PACRG: variants seen among roughly 807,000 people sequenced by gnomAD.
PACRG encodes parkin coregulated gene protein.
In PACRG, 29 loss-of-function variants were observed where a neutral mutation model predicts 29.7. The observed-to-expected ratio is 0.98, with a 90% CI of 0.73 to 1.33. The LOEUF (loss-of-function observed/expected upper bound fraction) is 1.33, where lower values mean the gene tolerates loss of function less well. PACRG is among the 40% of genes most tolerant of loss of function. The probability of loss-of-function intolerance (pLI) is 0.00; values close to 1 mark genes in which losing one functional copy is unlikely to be tolerated. For synonymous variants in PACRG, 116 were observed against 118.7 expected (o/e 0.98, Z 0.15); for missense variants, 279 against 316.2 (o/e 0.88, Z 0.89).
Position 163,033,226 on chromosome 6 carries a change from G to A in PACRG, c.292-28924G>A, listed in dbSNP as rs114816324. Among the ~76,000 whole-genome samples the A allele has an allele frequency of 5.8e-3, 889 of 152,204 alleles. 4 individuals are homozygous for A. Among genetic ancestry groups the A allele is most frequent in the African/African-American group, 0.015 (604 of 41,520 alleles). ...ACTCTTAGCAGCTTTTACTTTTGAT[G>A]AAAAACCTGGTTAGTAAGCAATTTT... On this transcript the variant is annotated intron_variant, in intron 2 of 4. Coordinates refer to ENST00000366888, the MANE Select transcript of PACRG (RefSeq NM_001080379.2).
At chr6:162,757,478 T>G (rs1371491101) in intron 1 of PACRG, among the ~76,000 whole-genome samples, 1 of 151,996 alleles carries the variant, frequency 6.6e-6, no homozygotes, top group Admixed American at 6.6e-5. Context: ...TGGTGAAAGA[T>G]GAGCAGATCA....
chr6:163,171,012 C>T (rs1216064914), intron 4 of PACRG: 1 of 152,184 alleles, frequency 6.6e-6, no homozygotes, highest in Non-Finnish European at 1.5e-5. Context: ...TGCTTTTCTG[C>T]AAAATGTGAG....
intron 2 of PACRG, among the ~76,000 whole-genome samples, chr6:162,940,963 A>C (rs1247800318): frequency 2.6e-5 from 4 of 152,012 alleles, no homozygotes; most frequent in Admixed American, 1.3e-4. Context: ...ACCAATCCTT[A>C]ATGAATGTAA....
chr6:163,291,130 C>T (rs1784586814), intron 4 of PACRG, among the ~76,000 whole-genome samples: 2 of 149,134 alleles, frequency 1.3e-5, no homozygotes, highest in African/African-American at 5.2e-5. Context: ...TAGATGACCC[C>T]TCTGCCCGCC....
At position 162,728,006 on chromosome 6, in the gene PACRG, T is replaced by C. The variant is rs930452460; in HGVS notation, c.-230T>C. On this transcript the variant is annotated 5_prime_UTR_variant, in exon 1 of 5. Transcript: ENST00000366888. ...AACCGGGAGGCTTACCTTTGGAAGCTTGTTGCAGCTCTAGCCAAGGTCCTG... is the reference window on the plus strand; with the variant it reads ...AACCGGGAGGCTTACCTTTGGAAGCCTGTTGCAGCTCTAGCCAAGGTCCTG... The C allele has an allele frequency of 1.4e-5, 9 of 636,224 alleles. No individual in the cohort carries two copies. The highest frequency in any genetic ancestry group is 1.1e-5 in the Non-Finnish European group (4 of 362,376). 39.4% of individuals were successfully genotyped at this position (636,224 alleles called of 1,614,324 possible). A position where few individuals can be genotyped will look rare whatever the true frequency, so the allele number is the denominator to read the frequency against.
chr6:163,242,605 T>C (rs1782545988), intron 4 of PACRG, among the ~76,000 whole-genome samples: 2 of 152,362 alleles, frequency 1.3e-5, no homozygotes, highest in East Asian at 3.9e-4. Flanking sequence ...AAATTTCCTA[T>C]GGTTTAGCAA....
rs1408326126 is a variant in PACRG at position 163,269,854 on chromosome 6, A to G, written c.614-44973A>G. On this transcript the variant is annotated intron_variant, in intron 4 of 4. Coordinates refer to ENST00000366888, the MANE Select transcript of PACRG (RefSeq NM_001080379.2). ...AAGAAAGAAAAAGAAAGAAAGAAAG[A>G]AAGAGAAAGAAAGAGAAAGAAAGAA... Among the ~76,000 whole-genome samples, 116 of 76,334 alleles carry G rather than the reference A, an allele frequency of 1.5e-3. 10 individuals are homozygous for G. Among genetic ancestry groups the G allele is most frequent in the African/African-American group, 6.5e-3 (109 of 16,658 alleles). 50.1% of individuals were successfully genotyped at this position (76,334 alleles called of 152,430 possible).
intron 2 of PACRG, among the ~76,000 whole-genome samples, chr6:163,013,963 T>A (rs1805853588): frequency 6.6e-6 from 1 of 152,100 alleles, no homozygotes; most frequent in South Asian, 2.1e-4. Context: ...GTGATAAAAT[T>A]ACTTGAACCA....
intron 4 of PACRG, among the ~76,000 whole-genome samples, chr6:163,298,497 C>A (rs1209571801): frequency 1.3e-5 from 2 of 152,200 alleles, no homozygotes; most frequent in Non-Finnish European, 2.9e-5. Context: ...TACCAGTAAC[C>A]ACAAAATGTT....
At chr6:163,114,675 G>A (rs1372152037) in intron 4 of PACRG, among the ~76,000 whole-genome samples, 1 of 152,070 alleles carries the variant, frequency 6.6e-6, no homozygotes, top group African/African-American at 2.4e-5. Context: ...AGCAGAGAAT[G>A]GAATGGTGGT....
At chr6:163,288,690 T>C (rs1274329492) in intron 4 of PACRG, among the ~76,000 whole-genome samples, 1 of 152,164 alleles carries the variant, frequency 6.6e-6, no homozygotes, top group Non-Finnish European at 1.5e-5. Context: ...AAATAATGCA[T>C]AGAGAACTTT....
intron 2 of PACRG, among the ~76,000 whole-genome samples, chr6:162,828,975 G>C (rs1788512814): frequency 6.6e-6 from 1 of 152,122 alleles, no homozygotes; most frequent in Non-Finnish European, 1.5e-5. Flanking sequence ...AATCATGAAT[G>C]ACTGTGTTTT....
At position 163,290,278 on chromosome 6, in the gene PACRG, G is replaced by GCGCA. The variant is rs1554242204; in HGVS notation, c.614-24548_614-24547insGCAC. ...CATGTGCGCATGCACGCGCGCGCGC[G>GCGCA]CACACACACACACACACACACACAC... On this transcript the variant is annotated intron_variant, in intron 4 of 4. Coordinates refer to ENST00000366888, the MANE Select transcript of PACRG (RefSeq NM_001080379.2). 5.1e-3 allele frequency among the ~76,000 whole-genome samples: 584 copies of GCGCA among 114,508 alleles called. 2 individuals carry two copies. The highest frequency in any genetic ancestry group is 0.012 in the Admixed American group (141 of 11,854). 75.1% of individuals were successfully genotyped at this position (114,508 alleles called of 152,430 possible).
At position 163,265,532 on chromosome 6, in the gene PACRG, A is replaced by T. The variant is rs76845472; in HGVS notation, c.614-49295A>T. Among the ~76,000 whole-genome samples the T allele has an allele frequency of 5.1e-3, 779 of 152,346 alleles. 5 individuals are homozygous for T. The highest frequency in any genetic ancestry group is 0.018 in the African/African-American group (740 of 41,578). On this transcript the variant is annotated intron_variant, in intron 4 of 4. Coordinates refer to ENST00000366888, the MANE Select transcript of PACRG (RefSeq NM_001080379.2). ...CTTCGGTGATTGTTGTGAGGATTAA[A>T]TGAGTTAATATATATGCATAGAGTA...
At chr6:162,807,808 C>A (rs113423571) in intron 1 of PACRG, among the ~76,000 whole-genome samples, 1 of 152,096 alleles carries the variant, frequency 6.6e-6, no homozygotes, top group African/African-American at 2.4e-5. Flanking sequence ...TGCCACAGAC[C>A]TTCAATTTAC....
chr6:162,975,195 T>C (rs1358132764), intron 2 of PACRG, among the ~76,000 whole-genome samples: 1 of 152,070 alleles, frequency 6.6e-6, no homozygotes, highest in African/African-American at 2.4e-5. Context: ...CATAAGCCAA[T>C]AGATGGTAAC....
intron 4 of PACRG, among the ~76,000 whole-genome samples, chr6:163,279,565 A>T (rs911440840): frequency 1.1e-4 from 16 of 151,634 alleles, no homozygotes; most frequent in Non-Finnish European, 2.4e-4. Context: ...CTTGCTTTTC[A>T]TTTTCTCCAG....
At chr6:163,097,411 G>A (rs1174873962) in intron 4 of PACRG, among the ~76,000 whole-genome samples, 2 of 152,200 alleles carry the variant, frequency 1.3e-5, no homozygotes, top group African/African-American at 2.4e-5. Flanking sequence ...AATGGCTTGT[G>A]TAAGAGAATC....
chr6:163,041,514 G>A (rs1489953227), intron 2 of PACRG, among the ~76,000 whole-genome samples: 1 of 152,090 alleles, frequency 6.6e-6, no homozygotes, highest in African/African-American at 2.4e-5. Flanking sequence ...CAGCCACCAT[G>A]TAAGACACGC....
Sources: allele counts gnomAD v4.1 joint callset (sites outside exome capture counted in the v4.1 genomes callset), GRCh38; gene constraint gnomAD v4.1.1; transcripts MANE v1.5; gene names NCBI Gene and HGNC (gene_info 2026-07-23, HGNC 2026-07-21).